SLC25A42: variants seen among roughly 807,000 people sequenced by gnomAD.
The protein encoded by SLC25A42 is mitochondrial coenzyme A transporter SLC25A42.
A neutral mutation model predicts 34.7 loss-of-function variants in SLC25A42; 19 were observed. The observed-to-expected ratio is 0.55, with a 90% CI of 0.38 to 0.80. The LOEUF (loss-of-function observed/expected upper bound fraction) is 0.80. Ranked by LOEUF, SLC25A42 falls within the 30% of genes least tolerant of loss-of-function variation. SLC25A42 has a pLI of 0.00. For missense variants in SLC25A42, 364 were observed against 441.3 expected (o/e 0.82, Z 1.57); for synonymous variants, 205 against 191.2 (o/e 1.07, Z -0.59).
At chr19:19,069,970 C>G (rs1410649139) in intron 1 of SLC25A42, among the ~76,000 whole-genome samples, 1 of 151,598 alleles carries the variant, frequency 6.6e-6, no homozygotes, top group Non-Finnish European at 1.5e-5. Flanking sequence ...GGATTATAGG[C>G]ATGCACCACC....
intron 2 of SLC25A42, 102 bp downstream of exon 2, chr19:19,096,307 CT>C: frequency 2.4e-6 from 2 of 833,386 alleles, no homozygotes; most frequent in Non-Finnish European, 3.9e-6. Context: ...TCTGCACCCC[CT>C]CCAAACAGGC....
intron 1 of SLC25A42, among the ~76,000 whole-genome samples, chr19:19,072,604 A>G (rs1231237712): frequency 6.6e-6 from 1 of 152,132 alleles, no homozygotes; most frequent in East Asian, 1.9e-4. Flanking sequence ...GCTGGTCTCA[A>G]ACTCCTGACC....
At chr19:19,089,610 G>A (rs940465307) in intron 1 of SLC25A42, among the ~76,000 whole-genome samples, 1 of 151,650 alleles carries the variant, frequency 6.6e-6, no homozygotes, top group South Asian at 2.1e-4. Context: ...GCTCACACCT[G>A]TAATCCCAGC....
At chr19:19,076,729 C>G (rs184789763) in intron 1 of SLC25A42, among the ~76,000 whole-genome samples, 57 of 152,294 alleles carry the variant, frequency 3.7e-4, no homozygotes, top group African/African-American at 1.3e-3. Context: ...GTATATATAG[C>G]TCAGTGAATT....
chr19:19,069,975 A>G (rs2059620697), intron 1 of SLC25A42, among the ~76,000 whole-genome samples: 2 of 151,616 alleles, frequency 1.3e-5, no homozygotes, highest in African/African-American at 4.8e-5. Context: ...ATAGGCATGC[A>G]CCACCACATC....
chr19:19,072,468 C>T (rs1275013576), intron 1 of SLC25A42, among the ~76,000 whole-genome samples: 3 of 151,886 alleles, frequency 2.0e-5, no homozygotes, highest in African/African-American at 7.3e-5. Context: ...GTCTCTGCCT[C>T]CTGGGCTCAA....
intron 1 of SLC25A42, among the ~76,000 whole-genome samples, chr19:19,079,572 G>A (rs1352822037): frequency 6.6e-6 from 1 of 152,184 alleles, no homozygotes; most frequent in Non-Finnish European, 1.5e-5. Flanking sequence ...GTTCATCTAT[G>A]TTGTAGCATG....
At chr19:19,085,781 GC>G (rs1056082998) in intron 1 of SLC25A42, among the ~76,000 whole-genome samples, 1 of 149,906 alleles carries the variant, frequency 6.7e-6, no homozygotes, top group African/African-American at 2.4e-5. Context: ...CCTGAGCATG[GC>G]CCCAGACACC....
At chr19:19,096,942 CA>C (rs917126634) in intron 2 of SLC25A42, among the ~76,000 whole-genome samples, 3 of 150,300 alleles carry the variant, frequency 2.0e-5, no homozygotes, top group African/African-American at 7.3e-5. Flanking sequence ...GTCTCAAAAA[CA>C]AAAAAAAAGA....
At chr19:19,079,520 C>A (rs1395634482) in intron 1 of SLC25A42, among the ~76,000 whole-genome samples, 1 of 152,144 alleles carries the variant, frequency 6.6e-6, no homozygotes, top group Non-Finnish European at 1.5e-5. Context: ...CACTATGTGG[C>A]CTTTTGTGTC....
At position 19,097,980 on chromosome 19, in the gene SLC25A42, A is replaced by G. The variant is rs572047983; in HGVS notation, c.81+1775A>G. On this transcript the variant is annotated intron_variant, in intron 2 of 7. Coordinates refer to ENST00000318596, the MANE Select transcript of SLC25A42 (RefSeq NM_178526.5). The stretch of plus-strand genomic sequence containing the variant: ...CCTGTCTCAGAAAAAAAAAAAAAAT[A>G]CTGAGCTTCTTCCCACTGTGTTTAT... 1.2e-3 allele frequency among the ~76,000 whole-genome samples: 174 copies of G among 141,672 alleles called. 1 individual carries two copies. Among genetic ancestry groups the G allele is most frequent in the African/African-American group, 4.3e-3 (165 of 38,088 alleles). 92.9% of individuals were successfully genotyped at this position (141,672 alleles called of 152,430 possible).
At chr19:19,100,416 C>T (rs2059789371) in intron 2 of SLC25A42, among the ~76,000 whole-genome samples, 2 of 151,998 alleles carry the variant, frequency 1.3e-5, no homozygotes, top group African/African-American at 4.8e-5. Context: ...GATCTAGCAC[C>T]CACCTCTCTT....
At chr19:19,074,927 G>A (rs1250254642) in intron 1 of SLC25A42, among the ~76,000 whole-genome samples, 2 of 152,108 alleles carry the variant, frequency 1.3e-5, no homozygotes, top group South Asian at 2.1e-4. Flanking sequence ...GAGGCAGGTC[G>A]ACTGCTTGAG....
intron 6 of SLC25A42, chr19:19,106,612 T>A (rs1474047332): frequency 5.3e-6 from 2 of 379,376 alleles, no homozygotes; most frequent in Non-Finnish European, 9.6e-6. Flanking sequence ...GTCTTCATTT[T>A]GAACTGGGCA....
intron 5 of SLC25A42, 114 bp downstream of exon 5, chr19:19,105,841 C>T (rs997763925): frequency 2.1e-6 from 2 of 949,430 alleles, no homozygotes; most frequent in Non-Finnish European, 3.1e-6. Context: ...CCCTGCCTTC[C>T]CTCTTCCCAC....
chr19:19,111,014 G>T lies in SLC25A42; in HGVS notation c.*138G>T. ...TATGGAACGAGCAGGTGGGCCTGAG[G>T]GGCCTGGGCTCAGAGTCCACGTCCA... On this transcript the variant is annotated 3_prime_UTR_variant, in exon 8 of 8. Transcript: ENST00000318596. 1 of 976,912 alleles carries T rather than the reference G, an allele frequency of 1.0e-6. No individual in the cohort carries two copies. The allele number at this position is 976,912 out of a possible 1,614,324, so 60.5% of individuals were successfully genotyped here.
At chr19:19,090,947 G>A (rs969038776) in intron 1 of SLC25A42, among the ~76,000 whole-genome samples, 2 of 152,330 alleles carry the variant, frequency 1.3e-5, no homozygotes, top group South Asian at 2.1e-4. Context: ...GGTCCGGGAT[G>A]TCACATGGCT....
intron 4 of SLC25A42, chr19:19,105,169 A>G: frequency 1.7e-6 from 1 of 593,492 alleles, no homozygotes; most frequent in Non-Finnish European, 3.0e-6. Flanking sequence ...CAACCTTTTC[A>G]TGTTTGATTT....
intron 2 of SLC25A42, among the ~76,000 whole-genome samples, chr19:19,100,516 T>C (rs1347357008): frequency 1.3e-5 from 2 of 152,006 alleles, no homozygotes; most frequent in African/African-American, 2.4e-5. Context: ...CCCCTGCTCC[T>C]TTTCACCCTA....
Sources: gnomAD v4.1 joint callset for allele counts (sites outside exome capture counted in the v4.1 genomes callset) on GRCh38, gnomAD v4.1.1 for gene constraint, MANE v1.5 for transcripts, NCBI Gene and HGNC (gene_info 2026-07-23, HGNC 2026-07-21) for gene names.